Variants in WASL observed in about 807,000 individuals in gnomAD.
WASL encodes the protein actin nucleation-promoting factor WASL.
Under a neutral mutation model 55.5 loss-of-function variants are expected in WASL, and 20 were observed. The observed-to-expected ratio is 0.36, with a 90% confidence interval of 0.25 to 0.52. The LOEUF is 0.52. Ranked by LOEUF, WASL falls within the 20% of genes least tolerant of loss-of-function variation. The pLI is 0.92. For synonymous variants in WASL, 249 were observed against 217.6 expected, an observed-to-expected ratio of 1.14 and a Z score of -1.27; for missense variants, 504 against 622.5, an observed-to-expected ratio of 0.81 and a Z score of 2.03.
At chr7:123,688,390 T>C (rs767818044) in intron 10 of WASL, among the ~76,000 whole-genome samples, 14 of 152,144 alleles carry the variant, frequency 9.2e-5, no homozygotes, top group Non-Finnish European at 1.9e-4. Context: ...GACGAAGTTT[T>C]GCTCTTGTTG....
intron 7 of WASL, 89 bp downstream of exon 7, chr7:123,695,734 A>G: frequency 7.4e-7 from 1 of 1,354,794 alleles, no homozygotes; most frequent in South Asian, 1.3e-5. Flanking sequence ...AGATACTAGA[A>G]ACCACAAAAA....
intron 1 of WASL, among the ~76,000 whole-genome samples, chr7:123,731,848 G>T (rs548099268): frequency 7.9e-5 from 12 of 152,088 alleles, no homozygotes; most frequent in Admixed American, 3.3e-4. Flanking sequence ...TCTAACTTAC[G>T]AAACTAGAAA....
intron 1 of WASL, among the ~76,000 whole-genome samples, chr7:123,739,914 G>GTATA (rs201098513): frequency 3.3e-4 from 11 of 33,034 alleles, no homozygotes; most frequent in Admixed American, 1.4e-3. Context: ...GTGTGTGTGT[G>GTATA]TATATATATA....
intron 6 of WASL, 105 bp from the exon 7 acceptor site, chr7:123,695,970 C>A (rs1384252932): frequency 2.9e-6 from 3 of 1,028,334 alleles, no homozygotes; most frequent in Non-Finnish European, 4.4e-6. Context: ...AATTTTTGGT[C>A]TGAACTAACA....
At chr7:123,698,351 GAAAAAA>G (rs34132314) in intron 5 of WASL, among the ~76,000 whole-genome samples, 4 of 136,128 alleles carry the variant, frequency 2.9e-5, no homozygotes, top group Non-Finnish European at 4.8e-5. Context: ...AAAATTATCT[GAAAAAA>G]AAAAAAAGTT....
chr7:123,702,214 C>T (rs1803602493), intron 5 of WASL, among the ~76,000 whole-genome samples: 2 of 152,022 alleles, frequency 1.3e-5, no homozygotes, highest in Non-Finnish European at 2.9e-5. Flanking sequence ...CGCCACCATG[C>T]CCAGCTAATT....
rs1353104637 is a variant in WASL at position 123,684,325 on chromosome 7, A to AG, written c.*193dup. The AG allele has an allele frequency of 8.4e-6, 2 of 237,436 alleles. No individual in the cohort carries two copies. The highest frequency in any genetic ancestry group is 5.3e-5 in the Admixed American group (1 of 18,734). The allele number at this position is 237,436 out of a possible 1,614,324, so 14.7% of individuals were successfully genotyped here. ...AAACTTGCACACAATAACAGGGAGT[A>AG]GCTTTGTAGAGGATTACGACAAACC... On this transcript the variant is annotated 3_prime_UTR_variant, in exon 11 of 11. Transcript: ENST00000223023.
chr7:123,720,536 G>GT (rs1389667363), intron 1 of WASL, among the ~76,000 whole-genome samples: 3 of 152,120 alleles, frequency 2.0e-5, no homozygotes, highest in Non-Finnish European at 2.9e-5. Context: ...GACAAAACTA[G>GT]TAACAGTTGT....
chr7:123,713,736 T>G (rs768668822), intron 1 of WASL, among the ~76,000 whole-genome samples: 2 of 152,224 alleles, frequency 1.3e-5, no homozygotes, highest in Non-Finnish European at 2.9e-5. Context: ...CTATTATTAC[T>G]CTGAATATAC....
In WASL at chr7:123,748,761, A is replaced by C; in HGVS notation, c.-27T>G. 6.6e-7 allele frequency: 1 copy of C among 1,525,242 alleles called. No individual in the cohort carries two copies. Among genetic ancestry groups the C allele is most frequent in the Non-Finnish European group, 8.8e-7 (1 of 1,136,466 alleles). The allele number at this position is 1,525,242 out of a possible 1,614,324, so 94.5% of individuals were successfully genotyped here. On this transcript the variant is annotated 5_prime_UTR_variant, in exon 1 of 11. Transcript: ENST00000223023. ...GTTTCGCCGGCGGGGTTGGGAGTCC[A>C]GGGCCGTCTCCTCCGGCGAGTGGGC... is the stretch of plus-strand genomic sequence containing the variant.
intron 6 of WASL, among the ~76,000 whole-genome samples, chr7:123,696,360 GA>G (rs1803492242): frequency 6.8e-6 from 1 of 147,466 alleles, no homozygotes; most frequent in African/African-American, 2.5e-5. Context: ...TCTCATAGTT[GA>G]AAAAGTAAAT....
chr7:123,739,092 C>A (rs1333552082), intron 1 of WASL, among the ~76,000 whole-genome samples: 1 of 152,150 alleles, frequency 6.6e-6, no homozygotes, highest in African/African-American at 2.4e-5. Context: ...ATTACTCAAT[C>A]CTTATTTCTA....
At chr7:123,696,445 G>A in intron 6 of WASL, 134 bp downstream of exon 6, 1 of 706,340 alleles carries the variant, frequency 1.4e-6, no homozygotes. Context: ...AAAGTACATA[G>A]TTAAAACGGT....
At chr7:123,735,289 G>C (rs143321854) in intron 1 of WASL, among the ~76,000 whole-genome samples, 1 of 150,998 alleles carries the variant, frequency 6.6e-6, no homozygotes, top group African/African-American at 2.4e-5. Context: ...AAAAAAAATA[G>C]CTTCTTACCA....
chr7:123,714,891 C>T (rs1368767116), intron 1 of WASL, among the ~76,000 whole-genome samples: 3 of 151,998 alleles, frequency 2.0e-5, no homozygotes, highest in African/African-American at 4.8e-5. Context: ...GTGAACAAAG[C>T]GCTGGTGAGG....
chr7:123,741,114 A>G (rs1804334490), intron 1 of WASL, among the ~76,000 whole-genome samples: 1 of 152,106 alleles, frequency 6.6e-6, no homozygotes, highest in South Asian at 2.1e-4. Context: ...CGATGGGATG[A>G]TGTCCTGTCC....
At chr7:123,719,188 T>C (rs1289887406) in intron 1 of WASL, among the ~76,000 whole-genome samples, 1 of 152,250 alleles carries the variant, frequency 6.6e-6, no homozygotes, top group African/African-American at 2.4e-5. Flanking sequence ...ACATGTGTTC[T>C]GATCAGCAGT....
intron 1 of WASL, among the ~76,000 whole-genome samples, chr7:123,725,420 C>A (rs1215928595): frequency 6.6e-6 from 1 of 151,378 alleles, no homozygotes; most frequent in African/African-American, 2.4e-5. Context: ...GCTATGTATG[C>A]AAAGATAAAA....
At chr7:123,690,613 C>CTT (rs1272045755) in intron 9 of WASL, among the ~76,000 whole-genome samples, 12 of 52,670 alleles carry the variant, frequency 2.3e-4, no homozygotes, top group African/African-American at 5.5e-4. Context: ...TTTGCTGCTT[C>CTT]TTTTTTTTTT....
Sources: gnomAD v4.1 joint callset for allele counts (sites outside exome capture counted in the v4.1 genomes callset) on GRCh38, gnomAD v4.1.1 for gene constraint, MANE v1.5 for transcripts, NCBI Gene and HGNC (gene_info 2026-07-23, HGNC 2026-07-21) for gene names.